The following ABLIM2 variants were observed in gnomAD, a reference collection of about 807,000 sequenced individuals.
ABLIM2 encodes actin binding LIM protein family member 2.
ABLIM2 carries 53 observed loss-of-function variants against 97.7 expected under a neutral mutation model. The observed-to-expected ratio is 0.54, with a 90% CI of 0.44 to 0.68. The LOEUF (loss-of-function observed/expected upper bound fraction) is 0.68, where lower values mean the gene tolerates loss of function less well. Among genes scored for constraint, ABLIM2 ranks in the 30% least tolerant of loss-of-function variants. ABLIM2 has a pLI of 0.00. For synonymous variants in ABLIM2, 361 were observed against 345.8 expected (o/e 1.04, Z -0.49); for missense variants, 835 against 867.2 (o/e 0.96, Z 0.47).
In ABLIM2 at chr4:7,999,333, C is replaced by T. The variant is rs1435606643; in HGVS notation, c.1619-6406G>A. ...TCGGCCTCCAAAAATGCTGAGATTA[C>T]AGGCGTGAGCCACTGCGCCCGGCCA... On this transcript the variant is annotated intron_variant, in intron 16 of 20. Transcript: ENST00000447017. The surrounding 1 kb of genome is among the most constrained non-coding windows in gnomAD (Gnocchi z 4.4). Among the ~76,000 whole-genome samples, 1 of 152,234 alleles carries T rather than the reference C, an allele frequency of 6.6e-6. No homozygotes were observed. The highest frequency in any genetic ancestry group is 1.5e-5 in the Non-Finnish European group (1 of 68,042).
rs932110276 is a variant in ABLIM2, at chr4:8,126,703, G to A, written c.11-20066C>T. 3.4e-4 allele frequency among the ~76,000 whole-genome samples: 52 copies of A among 151,954 alleles called. 1 individual carries two copies. The highest frequency in any genetic ancestry group is 1.1e-3 in the African/African-American group (46 of 41,372). Reference sequence around the variant, plus strand: ...CGTGGTGTCCTGTGCACCACAGGACGCTCAGCCGTGGCCTGACCCCTTCCT... The same window carrying A: ...CGTGGTGTCCTGTGCACCACAGGACACTCAGCCGTGGCCTGACCCCTTCCT... On this transcript the variant is annotated intron_variant, in intron 1 of 20. Coordinates refer to ENST00000447017, the MANE Select transcript of ABLIM2 (RefSeq NM_001130083.2).
chr4:8,000,180 G>A (rs1756122740), intron 16 of ABLIM2, among the ~76,000 whole-genome samples: 1 of 152,146 alleles, frequency 6.6e-6, no homozygotes, highest in Admixed American at 6.5e-5. Flanking sequence ...GAGCAGTGGT[G>A]AATGAGAGGC....
chr4:8,006,996 T>C, intron 16 of ABLIM2: 2 of 984,508 alleles, frequency 2.0e-6, no homozygotes, highest in Non-Finnish European at 2.4e-6. Context: ...AGACACCTGC[T>C]TACAGAGATC....
At chr4:8,145,229 G>T (rs1020496571) in intron 1 of ABLIM2, among the ~76,000 whole-genome samples, 8 of 151,820 alleles carry the variant, frequency 5.3e-5, no homozygotes, top group African/African-American at 1.7e-4. Context: ...TGTCGCCCAG[G>T]CTGGAGTGCA....
At position 8,003,422 on chromosome 4, in the gene ABLIM2, G is replaced by A. The variant is rs932203684; in HGVS notation, c.1618+4637C>T. 7.2e-5 allele frequency among the ~76,000 whole-genome samples: 11 copies of A among 152,228 alleles called. No homozygotes were observed. Among genetic ancestry groups the A allele is most frequent in the South Asian group, 4.2e-4 (2 of 4,812 alleles). ...GGAGGGTGTGTGGGTACTGAGGTTC[G>A]CTTTCTACCCAATATACATCGCTTT... is the stretch of plus-strand genomic sequence containing the variant. On this transcript the variant is annotated intron_variant, in intron 16 of 20. Coordinates refer to ENST00000447017, the MANE Select transcript of ABLIM2 (RefSeq NM_001130083.2). This position sits in a 1 kb window ranked among gnomAD's most constrained non-coding sequence, Gnocchi z 4.2.
chr4:8,012,784 G>A (rs111834713), intron 14 of ABLIM2, among the ~76,000 whole-genome samples: 95 of 149,704 alleles, frequency 6.3e-4, no homozygotes, highest in African/African-American at 2.1e-3. Context: ...CCACACTCAC[G>A]CATCCATCTA....
chr4:8,099,559 C>T (rs1833443783), intron 2 of ABLIM2, among the ~76,000 whole-genome samples: 1 of 152,110 alleles, frequency 6.6e-6, no homozygotes, highest in South Asian at 2.1e-4. Context: ...AAAACCCAGA[C>T]CTCTGACTGG....
At chr4:8,070,162 T>C (rs1248508669) in intron 6 of ABLIM2, among the ~76,000 whole-genome samples, 2 of 151,954 alleles carry the variant, frequency 1.3e-5, no homozygotes, top group Non-Finnish European at 2.9e-5. Context: ...TCTGTGTGTG[T>C]ATGTGTGTGG....
rs985427262 is a variant in ABLIM2, at chr4:8,003,568, T to C, written c.1618+4491A>G. 4.1e-5 allele frequency among the ~76,000 whole-genome samples: 6 copies of C among 145,894 alleles called. No homozygotes were observed. Among genetic ancestry groups the C allele is most frequent in the Non-Finnish European group, 7.4e-5 (5 of 67,272 alleles). ...CGCTCTTCTTCCAGTTTTCTTTTTT[T>C]TTTTTTTTTTTTTTGGAGATGGAGT... is the stretch of plus-strand genomic sequence containing the variant. On this transcript the variant is annotated intron_variant, in intron 16 of 20. Coordinates refer to ENST00000447017, the MANE Select transcript of ABLIM2 (RefSeq NM_001130083.2). The surrounding 1 kb of genome is among the most constrained non-coding windows in gnomAD (Gnocchi z 4.2).
Position 8,032,940 on chromosome 4 carries a change from T to C in ABLIM2, c.1048-3164A>G, listed in dbSNP as rs1218672893. On this transcript the variant is annotated intron_variant, in intron 10 of 20. Transcript: ENST00000447017. The surrounding 1 kb of genome is among the most constrained non-coding windows in gnomAD (Gnocchi z 4.3). ...TGCCAATGAGCCCAGAGCTTGTCTC[T>C]ACCTGGCCACCCCCACGTCCCACTG... Among the ~76,000 whole-genome samples the C allele has an allele frequency of 6.6e-6, 1 of 152,156 alleles. No homozygotes were observed. The highest frequency in any genetic ancestry group is 1.5e-5 in the Non-Finnish European group (1 of 68,028).
At position 8,043,421 on chromosome 4, in the gene ABLIM2, G is replaced by A. The variant is rs970406685; in HGVS notation, c.900+1743C>T. Among the ~76,000 whole-genome samples the A allele has an allele frequency of 1.3e-5, 2 of 152,122 alleles. No individual in the cohort carries two copies. Among genetic ancestry groups the A allele is most frequent in the African/African-American group, 4.8e-5 (2 of 41,406 alleles). On this transcript the variant is annotated intron_variant, in intron 9 of 20. Transcript: ENST00000447017. This position sits in a 1 kb window ranked among gnomAD's most constrained non-coding sequence, Gnocchi z 4.8. ...TGATGATGGTATTATGGACTGAACT[G>A]TGTCTCCCCGAATTCCTGTGTTGGT... is the stretch of plus-strand genomic sequence containing the variant.
In ABLIM2 at chr4:8,021,508, C is replaced by T. The variant is rs927414295; in HGVS notation, c.1268-1205G>A. On this transcript the variant is annotated intron_variant, in intron 12 of 20. Coordinates refer to ENST00000447017, the MANE Select transcript of ABLIM2 (RefSeq NM_001130083.2). The surrounding 1 kb of genome is among the most constrained non-coding windows in gnomAD (Gnocchi z 5.5). ...GGGTAAGGCGCTCTTCACCTGAGAA[C>T]GTTCCCTCAAGCTGCACAGCCTTTC... Among the ~76,000 whole-genome samples the T allele has an allele frequency of 1.8e-4, 27 of 152,238 alleles. No homozygotes were observed. The highest frequency in any genetic ancestry group is 6.3e-4 in the African/African-American group (26 of 41,468).
In ABLIM2 at chr4:8,044,037, C is replaced by T. The variant is rs902445201; in HGVS notation, c.900+1127G>A. Among the ~76,000 whole-genome samples the T allele has an allele frequency of 3.9e-5, 6 of 152,330 alleles. No homozygotes were observed. Among genetic ancestry groups the T allele is most frequent in the East Asian group, 1.9e-4 (1 of 5,180 alleles). On this transcript the variant is annotated intron_variant, in intron 9 of 20. Transcript: ENST00000447017. This position sits in a 1 kb window ranked among gnomAD's most constrained non-coding sequence, Gnocchi z 4.4. ...CAGTGCGTCATGGTAACTGAGGACT[C>T]GTGCACCCCTCAGTGGCACTGTCAG... is the stretch of plus-strand genomic sequence containing the variant.
chr4:8,157,205 T>TC (rs1715648089), intron 1 of ABLIM2, among the ~76,000 whole-genome samples: 1 of 151,128 alleles, frequency 6.6e-6, no homozygotes, highest in South Asian at 2.1e-4. Context: ...ACACCCCTTC[T>TC]CGTCAGATGC....
Position 8,128,124 on chromosome 4 carries a change from C to T in ABLIM2, c.11-21487G>A, listed in dbSNP as rs893986785. On this transcript the variant is annotated intron_variant, in intron 1 of 20. Transcript: ENST00000447017. This position sits in a 1 kb window ranked among gnomAD's most constrained non-coding sequence, Gnocchi z 4.9. The stretch of plus-strand genomic sequence containing the variant: ...TTCCCGCTGCTGGTGGCTCCAGGCG[C>T]CCTTTGGTATGTGGCTTCAGGGCTC... Among the ~76,000 whole-genome samples, 8 of 152,196 alleles carry T rather than the reference C, an allele frequency of 5.3e-5. No individual in the cohort carries two copies. Among genetic ancestry groups the T allele is most frequent in the Non-Finnish European group, 1.0e-4 (7 of 68,030 alleles).
chr4:8,039,999 C>G (rs1282512188), intron 9 of ABLIM2, among the ~76,000 whole-genome samples: 1 of 151,054 alleles, frequency 6.6e-6, no homozygotes, highest in Non-Finnish European at 1.5e-5. Context: ...ACATTTTATC[C>G]TGGAAACTAA....
At position 8,043,335 on chromosome 4, in the gene ABLIM2, T is replaced by A. The variant is rs1294873516; in HGVS notation, c.900+1829A>T. Among the ~76,000 whole-genome samples the A allele has an allele frequency of 6.6e-6, 1 of 152,186 alleles. No homozygotes were observed. The highest frequency in any genetic ancestry group is 1.5e-5 in the Non-Finnish European group (1 of 68,036). On this transcript the variant is annotated intron_variant, in intron 9 of 20. Transcript: ENST00000447017. This position sits in a 1 kb window ranked among gnomAD's most constrained non-coding sequence, Gnocchi z 4.8. Reference sequence around the variant, plus strand: ...GGTGAGGAAACAGACCATACCTTTGTGCGCCTACACAAACATGATCTCATT... The same window carrying A: ...GGTGAGGAAACAGACCATACCTTTGAGCGCCTACACAAACATGATCTCATT...
At chr4:8,000,105 G>A (rs369412914) in intron 16 of ABLIM2, among the ~76,000 whole-genome samples, 2 of 152,058 alleles carry the variant, frequency 1.3e-5, no homozygotes, top group African/African-American at 4.8e-5. Flanking sequence ...GGCACTGCAC[G>A]GGTTCAGGTC....
At chr4:8,129,865 G>T (rs149766183) in intron 1 of ABLIM2, among the ~76,000 whole-genome samples, 1 of 152,322 alleles carries the variant, frequency 6.6e-6, no homozygotes, top group Admixed American at 6.5e-5. Context: ...TGCAGGGGCA[G>T]TCTGGAGAGT....
Sources: allele counts gnomAD v4.1 joint callset (sites outside exome capture counted in the v4.1 genomes callset), GRCh38; gene constraint gnomAD v4.1.1; non-coding constraint Gnocchi (gnomAD v3.1); transcripts MANE v1.5; gene names NCBI Gene and HGNC (gene_info 2026-07-23, HGNC 2026-07-21).